Variants in GALNTL6 observed in about 807,000 individuals in gnomAD.
GALNTL6 encodes the protein polypeptide N-acetylgalactosaminyltransferase like 6.
Under a neutral mutation model 73.7 loss-of-function variants are expected in GALNTL6, and 46 were observed. The observed-to-expected ratio is 0.62, with a 90% CI of 0.49 to 0.80. GALNTL6 has a LOEUF of 0.80. Among genes scored for constraint, GALNTL6 ranks in the 30% least tolerant of loss-of-function variants. The pLI is 0.00. For missense variants in GALNTL6, 604 were observed against 755.0 expected (o/e 0.80, Z 2.34); for synonymous variants, 259 against 263.7 (o/e 0.98, Z 0.17).
At chr4:172,985,706 T>A (rs55936404) in intron 10 of GALNTL6, among the ~76,000 whole-genome samples, 13,587 of 152,260 alleles carry the variant, frequency 0.089, 817 homozygotes, top group Non-Finnish European at 0.14. Context: ...GTCAAAGCTG[T>A]CCTTTTATGC....
At chr4:171,827,805 G>A (rs1734863692) in intron 2 of GALNTL6, among the ~76,000 whole-genome samples, 1 of 152,024 alleles carries the variant, frequency 6.6e-6, no homozygotes, top group South Asian at 2.1e-4. Flanking sequence ...TGAATGCTAA[G>A]TATAGTTGAC....
rs553402192 is a variant in GALNTL6 at position 172,936,087 on chromosome 4, T to C, written c.1149+4819T>C. On this transcript the variant is annotated intron_variant, in intron 9 of 12. Transcript: ENST00000506823. ...ACATCATAAAGCTTATCCACCATGA[T>C]CAAGTTGGCTTCATACCTGGGATGC... Among the ~76,000 whole-genome samples, 32 of 152,286 alleles carry C rather than the reference T, an allele frequency of 2.1e-4. 1 individual carries two copies. Among genetic ancestry groups the C allele is most frequent in the African/African-American group, 6.7e-4 (28 of 41,552 alleles).
intron 5 of GALNTL6, among the ~76,000 whole-genome samples, chr4:172,783,670 A>C: frequency 6.6e-6 from 1 of 151,864 alleles, no homozygotes. Flanking sequence ...TCAAGGTGTT[A>C]ATAGGGCTGG....
At chr4:172,320,172 G>A (rs967819251) in intron 4 of GALNTL6, among the ~76,000 whole-genome samples, 1 of 152,066 alleles carries the variant, frequency 6.6e-6, no homozygotes, top group Non-Finnish European at 1.5e-5. Flanking sequence ...GAGGCTCTAC[G>A]TGGGGTATAG....
intron 2 of GALNTL6, among the ~76,000 whole-genome samples, chr4:172,105,837 T>C (rs1023920317): frequency 1.3e-5 from 2 of 152,160 alleles, no homozygotes. Flanking sequence ...ACATGTTCAA[T>C]AGAGAACAAG....
At chr4:172,443,389 C>T (rs918808819) in intron 5 of GALNTL6, among the ~76,000 whole-genome samples, 3 of 151,516 alleles carry the variant, frequency 2.0e-5, no homozygotes, top group African/African-American at 4.8e-5. Flanking sequence ...TGGTCTTGAT[C>T]TCCTGACCTC....
intron 5 of GALNTL6, among the ~76,000 whole-genome samples, chr4:172,601,100 G>A: frequency 6.6e-6 from 1 of 151,988 alleles, no homozygotes; most frequent in South Asian, 2.1e-4. Flanking sequence ...AATGAGGAGA[G>A]AAATAAAATG....
intron 9 of GALNTL6, among the ~76,000 whole-genome samples, chr4:172,946,122 A>G (rs1436149621): frequency 1.1e-5 from 1 of 92,144 alleles, no homozygotes; most frequent in African/African-American, 4.6e-5. Flanking sequence ...TTGGGGAAAA[A>G]GCGTGTGTGT....
rs1299844396 is a variant in GALNTL6, at chr4:173,009,357, G to A, written c.1488+63G>A. Reference sequence around the variant, plus strand: ...GTCGGGGGCTGATGCAGACACAGAGGGATGCAGCTGGAACAAATCTCCGAA... The same window carrying A: ...GTCGGGGGCTGATGCAGACACAGAGAGATGCAGCTGGAACAAATCTCCGAA... On this transcript the variant is annotated intron_variant, in intron 11 of 12. Transcript: ENST00000506823. 3.2e-6 allele frequency: 3 copies of A among 948,620 alleles called. No individual in the cohort carries two copies. In the Admixed American group the frequency reaches 5.1e-5, roughly 16 times the overall value. 58.8% of individuals were successfully genotyped at this position (948,620 alleles called of 1,614,324 possible).
rs58677871 is a variant in GALNTL6 at position 172,005,078 on chromosome 4, T to C, written c.138+190360T>C. ...TTAATATTTAAGGTGGAGTTCTTTCTATTAGAAATAGCTTCTCTTAAAAAG... is the reference window on the plus strand; with the variant it reads ...TTAATATTTAAGGTGGAGTTCTTTCCATTAGAAATAGCTTCTCTTAAAAAG... On this transcript the variant is annotated intron_variant, in intron 2 of 12. Coordinates refer to ENST00000506823, the MANE Select transcript of GALNTL6 (RefSeq NM_001034845.3). 4.4e-3 allele frequency among the ~76,000 whole-genome samples: 661 copies of C among 151,666 alleles called. 10 individuals are homozygous for C. The highest frequency in any genetic ancestry group is 0.015 in the African/African-American group (621 of 41,428).
chr4:172,571,745 A>G (rs1386935959), intron 5 of GALNTL6, among the ~76,000 whole-genome samples: 1 of 152,208 alleles, frequency 6.6e-6, no homozygotes, highest in Non-Finnish European at 1.5e-5. Context: ...CCCTACTTTA[A>G]GCAATTTAGG....
At chr4:173,008,097 C>T (rs1752379739) in intron 10 of GALNTL6, among the ~76,000 whole-genome samples, 1 of 152,154 alleles carries the variant, frequency 6.6e-6, no homozygotes, top group Non-Finnish European at 1.5e-5. Flanking sequence ...CATCCAAAAG[C>T]AATGCTAAAC....
At chr4:172,855,756 G>T (rs989481694) in intron 7 of GALNTL6, among the ~76,000 whole-genome samples, 1 of 152,150 alleles carries the variant, frequency 6.6e-6, no homozygotes, top group Admixed American at 6.5e-5. Flanking sequence ...GTAACATTTC[G>T]TTTTTGCACA....
intron 5 of GALNTL6, among the ~76,000 whole-genome samples, chr4:172,390,918 A>G (rs1342008445): frequency 6.6e-6 from 1 of 152,222 alleles, no homozygotes; most frequent in Non-Finnish European, 1.5e-5. Context: ...AACAAGTCAT[A>G]CAGTGAGTTA....
At chr4:172,313,366 G>T (rs1275905154) in intron 4 of GALNTL6, among the ~76,000 whole-genome samples, 2 of 151,844 alleles carry the variant, frequency 1.3e-5, no homozygotes, top group East Asian at 3.9e-4. Context: ...CTCGTGATCC[G>T]CCCACCTCAG....
At chr4:172,711,313 G>T (rs1221484208) in intron 5 of GALNTL6, among the ~76,000 whole-genome samples, 2 of 152,136 alleles carry the variant, frequency 1.3e-5, no homozygotes, top group African/African-American at 2.4e-5. Context: ...TTCTGTAAAC[G>T]TATAGAGATT....
chr4:172,283,030 C>A (rs1739120296), intron 3 of GALNTL6, among the ~76,000 whole-genome samples: 1 of 152,162 alleles, frequency 6.6e-6, no homozygotes, highest in South Asian at 2.1e-4. Flanking sequence ...CCCTGCCATG[C>A]ATCATTGGGA....
At chr4:172,986,110 A>G (rs1561071285) in intron 10 of GALNTL6, among the ~76,000 whole-genome samples, 2 of 152,218 alleles carry the variant, frequency 1.3e-5, no homozygotes, top group African/African-American at 2.4e-5. Context: ...TAGAAGCAAG[A>G]TCAGCTGATT....
At chr4:171,983,459 C>T (rs183288396) in intron 2 of GALNTL6, among the ~76,000 whole-genome samples, 17 of 136,740 alleles carry the variant, frequency 1.2e-4, no homozygotes, top group Non-Finnish European at 1.4e-4. Context: ...TCAGAGGCAT[C>T]TTGATTTTAT....
Sources: allele counts gnomAD v4.1 joint callset (sites outside exome capture counted in the v4.1 genomes callset), GRCh38; gene constraint gnomAD v4.1.1; transcripts MANE v1.5; gene names NCBI Gene and HGNC (gene_info 2026-07-23, HGNC 2026-07-21).